Variants in PLCL1 observed in about 807,000 individuals in gnomAD.
PLCL1 encodes the protein inactive phospholipase C-like protein 1.
Under a neutral mutation model 84.4 loss-of-function variants are expected in PLCL1, and 41 were observed. The ratio of observed to expected loss-of-function variants is 0.49; its 90% CI spans 0.38 to 0.63. PLCL1 has a LOEUF of 0.63. PLCL1 is among the 30% of genes least tolerant of loss of function. The pLI is 0.00. For synonymous variants in PLCL1, 490 were observed against 488.3 expected (o/e 1.00, Z -0.05); for missense variants, 1,206 against 1,367.8 (o/e 0.88, Z 1.87).
At chr2:197,986,333 T>C (rs540600327) in intron 1 of PLCL1, among the ~76,000 whole-genome samples, 1 of 152,150 alleles carries the variant, frequency 6.6e-6, no homozygotes, top group Non-Finnish European at 1.5e-5. Context: ...GAAGCCATAT[T>C]CCACTTAATT....
intron 1 of PLCL1, chr2:198,002,008 G>A: frequency 4.6e-6 from 2 of 434,600 alleles, no homozygotes; most frequent in South Asian, 1.7e-5. Flanking sequence ...TCTTCATTAT[G>A]GTGAGTTGTA....
At chr2:198,070,579 A>G (rs1334865744) in intron 1 of PLCL1, among the ~76,000 whole-genome samples, 2 of 152,034 alleles carry the variant, frequency 1.3e-5, no homozygotes, top group African/African-American at 4.8e-5. Flanking sequence ...CTGACATGAT[A>G]TTTAAGGGCT....
chr2:197,962,928 A>T (rs900875114), intron 1 of PLCL1, among the ~76,000 whole-genome samples: 4 of 152,088 alleles, frequency 2.6e-5, no homozygotes, highest in African/African-American at 9.7e-5. Context: ...ATGACTGAAT[A>T]GTACTTGATT....
At chr2:198,039,388 A>C (rs752475201) in intron 1 of PLCL1, among the ~76,000 whole-genome samples, 2 of 152,156 alleles carry the variant, frequency 1.3e-5, no homozygotes, top group Non-Finnish European at 2.9e-5. Context: ...TTATTCCTGT[A>C]GTTATCCACA....
chr2:198,105,785 A>C (rs1040193158), intron 5 of PLCL1, among the ~76,000 whole-genome samples: 1 of 151,882 alleles, frequency 6.6e-6, no homozygotes, highest in Admixed American at 6.6e-5. Flanking sequence ...GAGGATTTTT[A>C]TTTTAAGAAC....
intron 1 of PLCL1, among the ~76,000 whole-genome samples, chr2:198,027,116 T>C (rs1248789749): frequency 1.3e-5 from 2 of 152,292 alleles, no homozygotes; most frequent in East Asian, 3.9e-4. Flanking sequence ...TAATTGTTCA[T>C]CAGTGGATGA....
At chr2:197,998,602 A>G (rs1690525027) in intron 1 of PLCL1, among the ~76,000 whole-genome samples, 1 of 152,198 alleles carries the variant, frequency 6.6e-6, no homozygotes, top group African/African-American at 2.4e-5. Flanking sequence ...AGGACTGATG[A>G]CGCTGCATCA....
intron 1 of PLCL1, among the ~76,000 whole-genome samples, chr2:197,916,641 T>TA (rs1274782831): frequency 1.3e-5 from 2 of 151,742 alleles, no homozygotes; most frequent in Non-Finnish European, 2.9e-5. Flanking sequence ...GAGTCATGGT[T>TA]AAGAGAGCAG....
At chr2:197,905,916 TG>T (rs1411760552) in intron 1 of PLCL1, among the ~76,000 whole-genome samples, 4 of 152,196 alleles carry the variant, frequency 2.6e-5, no homozygotes, top group Non-Finnish European at 4.4e-5. Context: ...TTGATGGGGT[TG>T]TTTTTTTCTT....
At chr2:198,113,687 AAAT>A (rs1184990208) in intron 5 of PLCL1, among the ~76,000 whole-genome samples, 1 of 151,908 alleles carries the variant, frequency 6.6e-6, no homozygotes, top group Non-Finnish European at 1.5e-5. Context: ...AACAATTTGA[AAAT>A]AATGGTGAAA....
intron 1 of PLCL1, among the ~76,000 whole-genome samples, chr2:198,067,422 C>T (rs1287489827): frequency 1.3e-5 from 2 of 152,204 alleles, no homozygotes; most frequent in Non-Finnish European, 2.9e-5. Flanking sequence ...GCCACCGCAC[C>T]TGGCCTTTGT....
At position 198,092,058 on chromosome 2, in the gene PLCL1, G is replaced by GCCTCACCTGCTTCTCCCAA. The variant is rs1260365866; in HGVS notation, c.2919+3008_2919+3026dup. On this transcript the variant is annotated intron_variant, in intron 3 of 5. Coordinates refer to ENST00000428675, the MANE Select transcript of PLCL1 (RefSeq NM_006226.4). ...GCTCCCAACTGCACCTGCATCTCCA[G>GCCTCACCTGCTTCTCCCAA]CCTCACCTGCTTCTCCCAACCTCAC... Among the ~76,000 whole-genome samples, 210 of 150,548 alleles carry GCCTCACCTGCTTCTCCCAA rather than the reference G, an allele frequency of 1.4e-3. 1 individual carries two copies. The highest frequency in any genetic ancestry group is 1.8e-3 in the Non-Finnish European group (121 of 67,712).
At chr2:197,909,448 T>A (rs1302830828) in intron 1 of PLCL1, among the ~76,000 whole-genome samples, 1 of 151,910 alleles carries the variant, frequency 6.6e-6, no homozygotes, top group Non-Finnish European at 1.5e-5. Context: ...CTCCCCTAGG[T>A]GTTCTCGGTC....
At chr2:197,890,786 ATATG>A (rs1326586473) in intron 1 of PLCL1, among the ~76,000 whole-genome samples, 57 of 145,710 alleles carry the variant, frequency 3.9e-4, no homozygotes, top group African/African-American at 1.3e-3. Context: ...ATATATGTAT[ATATG>A]TATATATATA....
intron 1 of PLCL1, among the ~76,000 whole-genome samples, chr2:197,890,444 A>G (rs531960366): frequency 2.0e-5 from 3 of 152,168 alleles, no homozygotes; most frequent in Non-Finnish European, 4.4e-5. Flanking sequence ...GAAGGAGAAT[A>G]AATGAAGCCA....
At chr2:197,890,701 TACACAC>T (rs372078594) in intron 1 of PLCL1, among the ~76,000 whole-genome samples, 4 of 118,540 alleles carry the variant, frequency 3.4e-5, no homozygotes, top group African/African-American at 1.1e-4. Flanking sequence ...TATATATATA[TACACAC>T]ACACATATAC....
chr2:198,065,473 T>G (rs7587251), intron 1 of PLCL1, among the ~76,000 whole-genome samples: 66,911 of 151,968 alleles, frequency 0.44, 15,642 homozygotes, highest in Middle Eastern at 0.65. Flanking sequence ...TTCAGAATCA[T>G]TTTTTAAACT....
chr2:197,941,628 G>A (rs1262088339), intron 1 of PLCL1, among the ~76,000 whole-genome samples: 1 of 152,220 alleles, frequency 6.6e-6, no homozygotes, highest in Non-Finnish European at 1.5e-5. Context: ...AAAAGAATGA[G>A]AAATGAGGTT....
In PLCL1 at chr2:197,924,601, C is replaced by T. The variant is rs1226074503; in HGVS notation, c.240+119262C>T. Among the ~76,000 whole-genome samples, 6 of 151,894 alleles carry T rather than the reference C, an allele frequency of 4.0e-5. No individual in the cohort carries two copies. In the East Asian group the frequency reaches 9.6e-4, roughly 24 times the overall value. On this transcript the variant is annotated intron_variant, in intron 1 of 5. Transcript: ENST00000428675. ...ATACAGCACTTTATAGACCAGGGAA[C>T]TGAAGTACAGAGGGCTAAACTTGTT...
Sources: allele counts gnomAD v4.1 joint callset (sites outside exome capture counted in the v4.1 genomes callset), GRCh38; gene constraint gnomAD v4.1.1; transcripts MANE v1.5; gene names NCBI Gene and HGNC (gene_info 2026-07-23, HGNC 2026-07-21).